The following AGBL4 variants were observed in gnomAD, a reference collection of about 807,000 sequenced individuals.
The protein encoded by AGBL4 is cytosolic carboxypeptidase 6.
Under a neutral mutation model 66.4 loss-of-function variants are expected in AGBL4, and 58 were observed. That is an observed-to-expected ratio of 0.87 (90% CI 0.71 to 1.09). The LOEUF (loss-of-function observed/expected upper bound fraction) is 1.09. AGBL4 is among the 50% of genes least tolerant of loss of function. The pLI is 0.00. For synonymous variants in AGBL4, 234 were observed against 222.9 expected (o/e 1.05, Z -0.44); for missense variants, 579 against 631.0 (o/e 0.92, Z 0.88).
chr1:48,917,308 G>T (rs964340288), intron 5 of AGBL4, among the ~76,000 whole-genome samples: 18 of 151,846 alleles, frequency 1.2e-4, no homozygotes, highest in Admixed American at 7.9e-4. Flanking sequence ...AAATTAATTT[G>T]TACTTCGTTA....
chr1:49,493,509 G>A (rs981733779), intron 3 of AGBL4, among the ~76,000 whole-genome samples: 3 of 152,012 alleles, frequency 2.0e-5, no homozygotes, highest in Admixed American at 6.6e-5. Flanking sequence ...ACAGACAAAA[G>A]GTATGTTTAC....
chr1:48,781,429 T>C (rs1338100942), intron 6 of AGBL4, among the ~76,000 whole-genome samples: 1 of 152,248 alleles, frequency 6.6e-6, no homozygotes, highest in Non-Finnish European at 1.5e-5. Flanking sequence ...TACTGAAAAC[T>C]GAGCAACAGT....
chr1:49,003,672 G>A (rs576703305), intron 5 of AGBL4, among the ~76,000 whole-genome samples: 63 of 152,058 alleles, frequency 4.1e-4, no homozygotes, highest in African/African-American at 1.5e-3. Flanking sequence ...ACAGTTACTC[G>A]TGTATGAGTC....
intron 11 of AGBL4, among the ~76,000 whole-genome samples, chr1:48,568,291 T>TTC (rs151060894): frequency 8.1e-4 from 120 of 148,348 alleles, no homozygotes; most frequent in Middle Eastern, 7.0e-3. Flanking sequence ...AACAACACTC[T>TTC]TCTCTCTCTC....
intron 2 of AGBL4, among the ~76,000 whole-genome samples, chr1:49,821,862 A>G (rs187032051): frequency 9.8e-5 from 15 of 152,334 alleles, no homozygotes; most frequent in Non-Finnish European, 1.3e-4. Context: ...TAAAAATAGA[A>G]TACATAAATG....
At chr1:49,817,428 T>C (rs2147984559) in intron 2 of AGBL4, among the ~76,000 whole-genome samples, 1 of 152,302 alleles carries the variant, frequency 6.6e-6, no homozygotes, top group Middle Eastern at 3.4e-3. Context: ...TGGTTAAGAA[T>C]TATGGGATAA....
chr1:48,789,557 G>A (rs1287682542), intron 6 of AGBL4, among the ~76,000 whole-genome samples: 1 of 152,120 alleles, frequency 6.6e-6, no homozygotes, highest in Non-Finnish European at 1.5e-5. Context: ...CCAAAGTGCT[G>A]GGATTACAGG....
chr1:49,674,798 C>T (rs1646548419), intron 3 of AGBL4, among the ~76,000 whole-genome samples: 1 of 151,998 alleles, frequency 6.6e-6, no homozygotes, highest in Admixed American at 6.6e-5. Context: ...TTTGATTAAT[C>T]ACAACTTGAT....
chr1:49,800,714 C>T (rs1571595556), intron 2 of AGBL4, among the ~76,000 whole-genome samples: 1 of 102,604 alleles, frequency 9.7e-6, no homozygotes, highest in Non-Finnish European at 2.0e-5. Flanking sequence ...TTTATGGCTG[C>T]ATAGTATTCC....
intron 4 of AGBL4, among the ~76,000 whole-genome samples, chr1:49,092,436 C>G (rs1164490417): frequency 6.6e-6 from 1 of 152,148 alleles, no homozygotes; most frequent in Non-Finnish European, 1.5e-5. Flanking sequence ...CTTGGAGCAT[C>G]TTATTGTTCC....
At chr1:49,918,802 A>G (rs2148232816) in intron 1 of AGBL4, among the ~76,000 whole-genome samples, 1 of 152,224 alleles carries the variant, frequency 6.6e-6, no homozygotes, top group East Asian at 1.9e-4. Context: ...ATAGACCAAT[A>G]TCCTTGATGA....
intron 6 of AGBL4, among the ~76,000 whole-genome samples, chr1:48,708,993 G>A (rs186828626): frequency 6.6e-6 from 1 of 152,324 alleles, no homozygotes; most frequent in East Asian, 1.9e-4. Context: ...AAAGACACAG[G>A]CCTGGCTGGA....
At chr1:49,361,272 C>T (rs1021851187) in intron 3 of AGBL4, among the ~76,000 whole-genome samples, 11 of 152,174 alleles carry the variant, frequency 7.2e-5, no homozygotes, top group African/African-American at 2.7e-4. Context: ...TCATTCCTAA[C>T]TGATTTCTAT....
intron 1 of AGBL4, among the ~76,000 whole-genome samples, chr1:49,974,516 G>A (rs1658401566): frequency 6.6e-6 from 1 of 152,140 alleles, no homozygotes; most frequent in Non-Finnish European, 1.5e-5. Context: ...TAAGTGACAA[G>A]AGCAGTGTGT....
intron 1 of AGBL4, among the ~76,000 whole-genome samples, chr1:50,007,382 A>G (rs889525767): frequency 3.9e-5 from 6 of 152,258 alleles, no homozygotes; most frequent in African/African-American, 1.4e-4. Flanking sequence ...ACAACATTGA[A>G]TATAAATGGA....
intron 3 of AGBL4, among the ~76,000 whole-genome samples, chr1:49,355,838 A>G (rs1281278767): frequency 1.3e-5 from 2 of 152,184 alleles, no homozygotes; most frequent in African/African-American, 4.8e-5. Context: ...CTCATAAAGC[A>G]AAGAGCAATG....
Position 49,697,382 on chromosome 1 carries a change from C to G in AGBL4, c.213G>C (p.Arg71Ser), listed in dbSNP as rs766342823. 1 of 1,547,564 alleles carries G rather than the reference C, an allele frequency of 6.5e-7. No individual in the cohort carries two copies. Among genetic ancestry groups the G allele is most frequent in the South Asian group, 1.2e-5 (1 of 83,702 alleles). ...VSEFEYDLFI[R>S]PDTCNPRFRV... ...GGAAGCGTGGATTACAGGTGTCCGGCCTAATGAACAGATCATACTCAAACT... is the reference window on the plus strand; with the variant it reads ...GGAAGCGTGGATTACAGGTGTCCGGGCTAATGAACAGATCATACTCAAACT... Residue 71 changes from arginine (R) to serine (S), a missense_variant, in exon 3 of 14, where the codon AGG becomes AGC. Arg to Ser is a moderately radical substitution (Grantham distance 110). Transcript: ENST00000371839.
chr1:49,586,643 TTA>T (rs1644653060), intron 3 of AGBL4, among the ~76,000 whole-genome samples: 1 of 141,210 alleles, frequency 7.1e-6, no homozygotes, highest in Non-Finnish European at 1.6e-5. Context: ...CAATAATCGT[TTA>T]GAGACTGACT....
At chr1:49,883,190 A>G (rs1647604506) in intron 1 of AGBL4, among the ~76,000 whole-genome samples, 2 of 152,174 alleles carry the variant, frequency 1.3e-5, no homozygotes, top group African/African-American at 4.8e-5. Flanking sequence ...CAACACTACC[A>G]TATCAATCAA....
Sources: allele counts gnomAD v4.1 joint callset (sites outside exome capture counted in the v4.1 genomes callset), GRCh38; gene constraint gnomAD v4.1.1; transcripts MANE v1.5; gene names NCBI Gene and HGNC (gene_info 2026-07-23, HGNC 2026-07-21).